The following SIM2 variants were observed in gnomAD, a reference collection of about 807,000 sequenced individuals.
The protein encoded by SIM2 is SIM bHLH transcription factor 2.
Under a neutral mutation model 64.8 loss-of-function variants are expected in SIM2, and 28 were observed. That is an observed-to-expected ratio of 0.43 (90% CI 0.32 to 0.59). The LOEUF is 0.59. Ranked by LOEUF, SIM2 falls within the 20% of genes least tolerant of loss-of-function variation. The probability of loss-of-function intolerance (pLI) is 0.07; values close to 1 mark genes in which losing one functional copy is unlikely to be tolerated. For synonymous variants in SIM2, 408 were observed against 391.1 expected (o/e 1.04, Z -0.51); for missense variants, 847 against 871.4 (o/e 0.97, Z 0.35).
intron 7 of SIM2, among the ~76,000 whole-genome samples, chr21:36,738,312 C>G (rs1243996266): frequency 6.6e-6 from 1 of 152,158 alleles, no homozygotes; most frequent in Non-Finnish European, 1.5e-5. Flanking sequence ...AGAGACCAGC[C>G]TGGCCAACAT....
chr21:36,700,033 C>T, intron 1 of SIM2, 112 bp downstream of exon 1: 1 of 1,152,354 alleles, frequency 8.7e-7, no homozygotes, highest in Non-Finnish European at 1.2e-6. Flanking sequence ...GCGTCCAGAG[C>T]TGGGGCGTCT....
chr21:36,731,450 C>T (rs371519036), intron 7 of SIM2, among the ~76,000 whole-genome samples: 11 of 152,146 alleles, frequency 7.2e-5, no homozygotes, highest in African/African-American at 1.9e-4. Context: ...ACACCATTTG[C>T]GAATAACAGC....
chr21:36,739,993 A>AAGAAAGAAAGAG (rs1276808253), intron 7 of SIM2, among the ~76,000 whole-genome samples: 9 of 135,086 alleles, frequency 6.7e-5, no homozygotes, highest in Admixed American at 4.6e-4. Flanking sequence ...GAAAGAAGAG[A>AAGAAAGAAAGAG]AGAAAGAAAG....
In SIM2 at chr21:36,699,652, C is replaced by T. The variant is rs1351224484; in HGVS notation, c.-95C>T. ...CCACTCCGCGGACTCACCTGGCTCC[C>T]GGCTCCCCCTTCCCCATCCCCGCCG... On this transcript the variant is annotated 5_prime_UTR_variant, in exon 1 of 11. Coordinates refer to ENST00000290399, the MANE Select transcript of SIM2 (RefSeq NM_005069.6). This position sits in a 1 kb window ranked among gnomAD's most constrained non-coding sequence, Gnocchi z 5.6. 1.7e-5 allele frequency: 25 copies of T among 1,429,362 alleles called. No homozygotes were observed. The South Asian group carries it at 3.0e-4, about 17-fold the overall frequency. The allele number at this position is 1,429,362 out of a possible 1,614,324, so 88.5% of individuals were successfully genotyped here. A position where few individuals can be genotyped will look rare whatever the true frequency, so the allele number is the denominator to read the frequency against.
rs1009099239 is a variant in SIM2, at chr21:36,732,390, G to T, written c.850+1239G>T. Among the ~76,000 whole-genome samples the T allele has an allele frequency of 2.0e-5, 3 of 152,208 alleles. No homozygotes were observed. In the East Asian group the frequency reaches 5.8e-4, roughly 29 times the overall value. ...CTCTGCCTTCTGTTGGCTCAGGGAC[G>T]TTAGAGGACAGGTTGCCAGTGTCGA... On this transcript the variant is annotated intron_variant, in intron 7 of 10. Coordinates refer to ENST00000290399, the MANE Select transcript of SIM2 (RefSeq NM_005069.6).
chr21:36,714,259 C>G (rs1430242333), intron 3 of SIM2, among the ~76,000 whole-genome samples: 1 of 152,160 alleles, frequency 6.6e-6, no homozygotes, highest in Non-Finnish European at 1.5e-5. Flanking sequence ...CATAGTCTTA[C>G]AGTAATGTCA....
chr21:36,716,218 T>C (rs2088744651), intron 3 of SIM2, among the ~76,000 whole-genome samples: 1 of 152,244 alleles, frequency 6.6e-6, no homozygotes. Flanking sequence ...ATTATTTTAC[T>C]TTTATTTAGG....
In SIM2 at chr21:36,745,742, G is replaced by A. The variant is rs2089220616; in HGVS notation, c.1576+606G>A. On this transcript the variant is annotated intron_variant, in intron 10 of 10. Coordinates refer to ENST00000290399, the MANE Select transcript of SIM2 (RefSeq NM_005069.6). This position sits in a 1 kb window ranked among gnomAD's most constrained non-coding sequence, Gnocchi z 4.8. Reference sequence around the variant, plus strand: ...ACGACACACAGTAGGGACCTGCCCTGTACATGCTAGTTCAACAGAAAGGAA... The same window carrying A: ...ACGACACACAGTAGGGACCTGCCCTATACATGCTAGTTCAACAGAAAGGAA... 1.5e-6 allele frequency: 2 copies of A among 1,298,170 alleles called. No individual in the cohort carries two copies. The highest frequency in any genetic ancestry group is 1.5e-5 in the African/African-American group (1 of 65,746). The allele number at this position is 1,298,170 out of a possible 1,614,324, so 80.4% of individuals were successfully genotyped here. A position where few individuals can be genotyped will look rare whatever the true frequency, so the allele number is the denominator to read the frequency against.
At position 36,699,238 on chromosome 21, in the gene SIM2, G is replaced by A. The variant is rs573638868; in HGVS notation, c.-509G>A. The A allele has an allele frequency of 7.3e-3, 1,113 of 151,700 alleles. 13 individuals are homozygous for A. Among genetic ancestry groups the A allele is most frequent in the African/African-American group, 0.025 (1,027 of 41,380 alleles). The allele number at this position is 151,700 out of a possible 1,614,324, so 9.4% of individuals were successfully genotyped here. ...CCAGGAAGGGCAGGAGAGCGCGCCC[G>A]GGCCAGGGCCCGGCCCCAGCCGCCT... On this transcript the variant is annotated 5_prime_UTR_variant, in exon 1 of 11. Coordinates refer to ENST00000290399, the MANE Select transcript of SIM2 (RefSeq NM_005069.6). This position sits in a 1 kb window ranked among gnomAD's most constrained non-coding sequence, Gnocchi z 5.6.
chr21:36,705,428 C>T (rs2088566712), intron 1 of SIM2, among the ~76,000 whole-genome samples: 1 of 152,242 alleles, frequency 6.6e-6, no homozygotes, highest in South Asian at 2.1e-4. Flanking sequence ...CCCAGCTCCC[C>T]CTGGGGCGGG....
chr21:36,733,147 G>T (rs899496024), intron 7 of SIM2, among the ~76,000 whole-genome samples: 2 of 152,204 alleles, frequency 1.3e-5, no homozygotes, highest in African/African-American at 4.8e-5. Flanking sequence ...TACAGCAAGA[G>T]AAGACTTGCT....
rs2088892011 is a variant in SIM2, at chr21:36,726,376, A to T, written c.743+58A>T. 1 of 1,495,950 alleles carries T rather than the reference A, an allele frequency of 6.7e-7. No homozygotes were observed. Among genetic ancestry groups the T allele is most frequent in the South Asian group, 1.2e-5 (1 of 85,460 alleles). The allele number at this position is 1,495,950 out of a possible 1,614,324, so 92.7% of individuals were successfully genotyped here. Reference sequence around the variant, plus strand: ...CTTCTGGAAGACACCGGTGGTGGAAATGGGTCCCTGAAAGCTGCCATCTTG... The same window carrying T: ...CTTCTGGAAGACACCGGTGGTGGAATTGGGTCCCTGAAAGCTGCCATCTTG... On this transcript the variant is annotated intron_variant, in intron 6 of 10. Coordinates refer to ENST00000290399, the MANE Select transcript of SIM2 (RefSeq NM_005069.6). This position sits in a 1 kb window ranked among gnomAD's most constrained non-coding sequence, Gnocchi z 4.5.
intron 4 of SIM2, among the ~76,000 whole-genome samples, chr21:36,721,716 G>A (rs560726799): frequency 5.9e-5 from 9 of 152,228 alleles, no homozygotes; most frequent in East Asian, 3.9e-4. Flanking sequence ...GATTACAGGC[G>A]TGAGCCACCG....
rs2089255104 is a variant in SIM2 at position 36,747,938 on chromosome 21, C to T, written c.1850C>T (p.Pro617Leu). The T allele has an allele frequency of 4.9e-6, 5 of 1,028,266 alleles. No individual in the cohort carries two copies. In the South Asian group the frequency reaches 1.7e-4, roughly 35 times the overall value. The allele number at this position is 1,028,266 out of a possible 1,614,324, so 63.7% of individuals were successfully genotyped here. Residue 617 changes from proline (P) to leucine (L), a missense_variant, in exon 11 of 11, where the codon CCC (proline) becomes CTC (leucine). Physicochemically the swap from Pro to Leu is moderately conservative, Grantham distance 98. Coordinates refer to ENST00000290399, the MANE Select transcript of SIM2 (RefSeq NM_005069.6). This position sits in a 1 kb window ranked among gnomAD's most constrained non-coding sequence, Gnocchi z 4.5. ...CGCGGACCGCTGGGGGGCGCCGCAC[C>T]CGCCGCCTCCGGCCTGGCCTGCGCT... is the stretch of plus-strand genomic sequence containing the variant. ...ARRGPLGGAA[P>L]AASGLACAPG...
rs763144430 is a variant in SIM2 at position 36,744,892 on chromosome 21, C to T, written c.1332C>T (p.Tyr444=). The T allele has an allele frequency of 6.2e-6, 10 of 1,614,124 alleles. No individual in the cohort carries two copies. Among genetic ancestry groups the T allele is most frequent in the East Asian group, 4.5e-5 (2 of 44,894 alleles). The change falls in exon 10 of 11, where the codon TAC becomes TAT. Residue 444 remains tyrosine (Y), a synonymous_variant. Coordinates refer to ENST00000290399, the MANE Select transcript of SIM2 (RefSeq NM_005069.6). ...ACAGCCTGCCCTTCTCCTACCATTA[C>T]GGACACTTCCCTCTGGACTCTCACG... ...PSYSLPFSYH[Y]GHFPLDSHVF...
At chr21:36,722,201 C>T (rs540717111) in intron 4 of SIM2, among the ~76,000 whole-genome samples, 1 of 152,290 alleles carries the variant, frequency 6.6e-6, no homozygotes, top group East Asian at 1.9e-4. Context: ...GGCAGGCAGC[C>T]ATGTTAGAGG....
intron 7 of SIM2, among the ~76,000 whole-genome samples, chr21:36,739,070 T>G (rs1385566511): frequency 1.5e-5 from 2 of 135,182 alleles, no homozygotes; most frequent in Admixed American, 7.1e-5. Flanking sequence ...CATTTCATTC[T>G]GGTTAAACCT....
At chr21:36,742,477 C>T (rs896253215) in intron 8 of SIM2, among the ~76,000 whole-genome samples, 2 of 150,108 alleles carry the variant, frequency 1.3e-5, no homozygotes, top group East Asian at 2.0e-4. Flanking sequence ...GAGCTGGTCT[C>T]GAACTCCTGG....
At chr21:36,736,646 G>A (rs1167500992) in intron 7 of SIM2, among the ~76,000 whole-genome samples, 1 of 152,130 alleles carries the variant, frequency 6.6e-6, no homozygotes, top group Non-Finnish European at 1.5e-5. Context: ...TCATGTCGGT[G>A]TGGTCTGGGT....
Sources: allele counts gnomAD v4.1 joint callset (sites outside exome capture counted in the v4.1 genomes callset), GRCh38; gene constraint gnomAD v4.1.1; non-coding constraint Gnocchi (gnomAD v3.1); transcripts MANE v1.5; gene names NCBI Gene and HGNC (gene_info 2026-07-23, HGNC 2026-07-21).